Variants in LHFPL3 observed in about 807,000 individuals in gnomAD.
LHFPL3 encodes the protein LHFPL tetraspan subfamily member 3 protein.
A neutral mutation model predicts 19.3 loss-of-function variants in LHFPL3; 5 were observed. That is an observed-to-expected ratio of 0.26 (90% CI 0.14 to 0.54). LHFPL3 has a LOEUF of 0.54. LHFPL3 is among the 20% of genes least tolerant of loss of function. The probability of loss-of-function intolerance (pLI) is 0.94; values close to 1 mark genes in which losing one functional copy is unlikely to be tolerated. For missense variants in LHFPL3, 249 were observed against 307.4 expected, an observed-to-expected ratio of 0.81 and a Z score of 1.42; for synonymous variants, 133 against 126.2, an observed-to-expected ratio of 1.05 and a Z score of -0.36.
chr7:104,456,776 G>A (rs191155237), intron 1 of LHFPL3, among the ~76,000 whole-genome samples: 1,593 of 152,246 alleles, frequency 0.01, 12 homozygotes, highest in Non-Finnish European at 0.015. Flanking sequence ...AACCTACAAG[G>A]CTACTAAGTG....
chr7:104,709,697 C>G (rs1211663013), intron 1 of LHFPL3, among the ~76,000 whole-genome samples: 1 of 151,716 alleles, frequency 6.6e-6, no homozygotes, highest in African/African-American at 2.4e-5. Flanking sequence ...CTTTTCTATT[C>G]GACAAAACCG....
intron 1 of LHFPL3, among the ~76,000 whole-genome samples, chr7:104,338,906 G>T (rs1789890930): frequency 1.3e-5 from 2 of 152,130 alleles, no homozygotes; most frequent in African/African-American, 4.8e-5. Flanking sequence ...TTGAATGTTG[G>T]ACAGATATTA....
intron 2 of LHFPL3, among the ~76,000 whole-genome samples, chr7:104,781,555 C>T (rs558034666): frequency 3.3e-5 from 5 of 152,044 alleles, no homozygotes; most frequent in Non-Finnish European, 5.9e-5. Flanking sequence ...CTGAAATTTG[C>T]GCATCTACTA....
chr7:104,698,041 G>A (rs953419676), intron 1 of LHFPL3, among the ~76,000 whole-genome samples: 4 of 152,090 alleles, frequency 2.6e-5, no homozygotes, highest in African/African-American at 7.2e-5. Context: ...CCAATATCAC[G>A]GCCTTTGTGT....
At chr7:104,703,612 G>C (rs1254771820) in intron 1 of LHFPL3, among the ~76,000 whole-genome samples, 1 of 151,976 alleles carries the variant, frequency 6.6e-6, no homozygotes, top group Non-Finnish European at 1.5e-5. Context: ...GTCTTACTTT[G>C]TCTCTTTATT....
chr7:104,692,136 A>T (rs1792916328), intron 1 of LHFPL3, among the ~76,000 whole-genome samples: 1 of 152,214 alleles, frequency 6.6e-6, no homozygotes, highest in Non-Finnish European at 1.5e-5. Context: ...CGCATTGAAG[A>T]TGTGATTTGG....
intron 2 of LHFPL3, among the ~76,000 whole-genome samples, chr7:104,869,452 AAAG>A (rs1414809102): frequency 6.6e-6 from 1 of 152,232 alleles, no homozygotes; most frequent in Non-Finnish European, 1.5e-5. Flanking sequence ...ACACTTCTCA[AAAG>A]AAGACATTTA....
intron 1 of LHFPL3, among the ~76,000 whole-genome samples, chr7:104,460,896 C>G (rs1445534825): frequency 2.6e-5 from 4 of 152,136 alleles, no homozygotes; most frequent in African/African-American, 9.7e-5. Flanking sequence ...CTTCTGGCAT[C>G]TTTATCGTGA....
intron 1 of LHFPL3, among the ~76,000 whole-genome samples, chr7:104,689,845 T>G (rs776095842): frequency 1.3e-5 from 2 of 152,118 alleles, no homozygotes; most frequent in Non-Finnish European, 2.9e-5. Flanking sequence ...GTCCATTTGG[T>G]CCCCGGACTC....
intron 2 of LHFPL3, among the ~76,000 whole-genome samples, chr7:104,855,731 C>A (rs1468660824): frequency 6.6e-6 from 1 of 151,812 alleles, no homozygotes; most frequent in Non-Finnish European, 1.5e-5. Flanking sequence ...TCAAGTGATT[C>A]TCTTGCCTCA....
At chr7:104,696,445 G>GGGGT (rs1792997487) in intron 1 of LHFPL3, among the ~76,000 whole-genome samples, 3 of 150,066 alleles carry the variant, frequency 2.0e-5, no homozygotes, top group Admixed American at 6.6e-5. Context: ...AGTGTTACTA[G>GGGGT]GTGTGTGTGT....
chr7:104,567,576 G>A (rs1051675648), intron 1 of LHFPL3, among the ~76,000 whole-genome samples: 2 of 152,190 alleles, frequency 1.3e-5, no homozygotes, highest in African/African-American at 4.8e-5. Flanking sequence ...CACAAGATAT[G>A]TTTATCCATT....
chr7:104,576,717 G>A (rs1416352951), intron 1 of LHFPL3, among the ~76,000 whole-genome samples: 1 of 152,082 alleles, frequency 6.6e-6, no homozygotes, highest in Admixed American at 6.6e-5. Context: ...GTAGCCCCCA[G>A]TGCCTTCAGT....
At position 104,833,010 on chromosome 7, in the gene LHFPL3, A is replaced by C. The variant is rs367643124; in HGVS notation, c.683-73177A>C. Among the ~76,000 whole-genome samples, 95 of 16,504 alleles carry C rather than the reference A, an allele frequency of 5.8e-3. 2 individuals are homozygous for C. The highest frequency in any genetic ancestry group is 0.021 in the South Asian group (10 of 468). The allele number at this position is 16,504 out of a possible 152,430, so 10.8% of individuals were successfully genotyped here. On this transcript the variant is annotated intron_variant, in intron 2 of 2. Coordinates refer to ENST00000424859, the MANE Select transcript of LHFPL3 (RefSeq NM_199000.3). ...TATAGGACATATATATTATATATAT[A>C]TATTATATATAATAGATATATTATA...
At chr7:104,667,934 G>A in intron 1 of LHFPL3, 1 of 1,613,344 alleles carries the variant, frequency 6.2e-7, no homozygotes, top group Non-Finnish European at 8.5e-7. Context: ...ATGACGATGT[G>A]TACAGGGCGC....
chr7:104,665,133 G>A (rs1353999882), intron 1 of LHFPL3, among the ~76,000 whole-genome samples: 1 of 152,174 alleles, frequency 6.6e-6, no homozygotes, highest in African/African-American at 2.4e-5. Flanking sequence ...GACTGCTAAT[G>A]TAAAACTGGT....
intron 1 of LHFPL3, among the ~76,000 whole-genome samples, chr7:104,500,238 G>A (rs1464533051): frequency 6.6e-6 from 1 of 152,136 alleles, no homozygotes; most frequent in Non-Finnish European, 1.5e-5. Flanking sequence ...ACACCTTCTG[G>A]GAGTTTATTT....
intron 1 of LHFPL3, among the ~76,000 whole-genome samples, chr7:104,416,066 T>C (rs1791615757): frequency 6.6e-6 from 1 of 152,230 alleles, no homozygotes; most frequent in African/African-American, 2.4e-5. Flanking sequence ...CAGATGTAAC[T>C]AGTTAGGTTA....
At chr7:104,788,898 T>C (rs1238869963) in intron 2 of LHFPL3, among the ~76,000 whole-genome samples, 1 of 152,138 alleles carries the variant, frequency 6.6e-6, no homozygotes, top group Non-Finnish European at 1.5e-5. Context: ...CAAGGCAAAA[T>C]ATATAGCAGA....
Sources: gnomAD v4.1 joint callset for allele counts (sites outside exome capture counted in the v4.1 genomes callset) on GRCh38, gnomAD v4.1.1 for gene constraint, MANE v1.5 for transcripts, NCBI Gene and HGNC (gene_info 2026-07-23, HGNC 2026-07-21) for gene names.